Variants in ATAD2 observed in about 807,000 individuals in gnomAD.
The protein encoded by ATAD2 is ATPase family AAA domain-containing protein 2.
In ATAD2, 62 loss-of-function variants were observed where a neutral mutation model predicts 168.9. The ratio of observed to expected loss-of-function variants is 0.37; its 90% confidence interval spans 0.30 to 0.45. The LOEUF (loss-of-function observed/expected upper bound fraction) is 0.45, where lower values mean the gene tolerates loss of function less well. Among genes scored for constraint, ATAD2 ranks in the 20% least tolerant of loss-of-function variants. The pLI is 1.00. For missense variants in ATAD2, 1,419 were observed against 1,667.8 expected (o/e 0.85, Z 2.60); for synonymous variants, 613 against 571.6 (o/e 1.07, Z -1.03).
chr8:123,332,290 G>A (rs1827796621), intron 24 of ATAD2, among the ~76,000 whole-genome samples: 1 of 152,076 alleles, frequency 6.6e-6, no homozygotes, highest in African/African-American at 2.4e-5. Flanking sequence ...TATTATTCAA[G>A]GGTCAATTGT....
At chr8:123,372,787 G>T in intron 2 of ATAD2, 101 bp from the exon 3 acceptor site, 1 of 941,738 alleles carries the variant, frequency 1.1e-6, no homozygotes. Context: ...GAGTGCAGTG[G>T]CACAATCATG....
At chr8:123,353,249 A>G (rs914035359) in intron 13 of ATAD2, among the ~76,000 whole-genome samples, 4 of 152,038 alleles carry the variant, frequency 2.6e-5, no homozygotes, top group African/African-American at 9.7e-5. Context: ...CTGTAATCCC[A>G]GCTACTGGGG....
At chr8:123,385,548 C>T (rs1047207487) in intron 1 of ATAD2, among the ~76,000 whole-genome samples, 1 of 151,912 alleles carries the variant, frequency 6.6e-6, no homozygotes, top group Non-Finnish European at 1.5e-5. Flanking sequence ...GAATAAAGAA[C>T]TAAAAAACAA....
Position 123,369,153 on chromosome 8 carries a change from G to A in ATAD2, c.954C>T (p.Pro318=). Residue 318 remains proline (P), a synonymous_variant, in exon 8 of 28, where the codon CCC becomes CCT. Coordinates refer to ENST00000287394, the MANE Select transcript of ATAD2 (RefSeq NM_014109.4). ...AAGCTGGGCCACTATAAAATATGTT[G>A]GGCTTTCTCTGGTGACGAGGTTCTA... The part of the protein sequence containing the change: ...PLEKPRHQRK[P]NIFYSGPASP... 6.4e-7 allele frequency: 1 copy of A among 1,555,090 alleles called. No homozygotes were observed. The highest frequency in any genetic ancestry group is 8.7e-7 in the Non-Finnish European group (1 of 1,144,478).
Position 123,370,040 on chromosome 8 carries a change from C to T in ATAD2, c.728-16G>A, listed in dbSNP as rs1829104984. The T allele has an allele frequency of 6.3e-7, 1 of 1,595,670 alleles. No individual in the cohort carries two copies. Among genetic ancestry groups the T allele is most frequent in the African/African-American group, 1.3e-5 (1 of 74,500 alleles). On this transcript the variant is annotated splice_polypyrimidine_tract_variant and intron_variant, in intron 6 of 27. Coordinates refer to ENST00000287394, the MANE Select transcript of ATAD2 (RefSeq NM_014109.4). ...TCAGATGACTCTACAATTAAGAGATCCTTACTTCCAGAAAGATACTCAGCA... is the reference window on the plus strand; with the variant it reads ...TCAGATGACTCTACAATTAAGAGATTCTTACTTCCAGAAAGATACTCAGCA...
intron 1 of ATAD2, among the ~76,000 whole-genome samples, chr8:123,406,966 G>A (rs887759493): frequency 2.3e-4 from 35 of 152,092 alleles, no homozygotes; most frequent in African/African-American, 7.2e-4. Flanking sequence ...TTAAAATCTC[G>A]ACATGAGATT....
chr8:123,399,020 T>C (rs1311262206), upstream of ATAD2, among the ~76,000 whole-genome samples: 1 of 152,150 alleles, frequency 6.6e-6, no homozygotes, highest in Non-Finnish European at 1.5e-5. Context: ...CCCCCCACTT[T>C]GGGAGGCCGA....
chr8:123,401,500 C>T (rs1812999576), intron 1 of ATAD2: 2 of 1,568,882 alleles, frequency 1.3e-6, no homozygotes, highest in Non-Finnish European at 8.7e-7. Flanking sequence ...GCAGCCCAGG[C>T]CAAGAACCTG....
At chr8:123,409,296 T>C (rs1813118191) in intron 1 of ATAD2, among the ~76,000 whole-genome samples, 1 of 152,122 alleles carries the variant, frequency 6.6e-6, no homozygotes, top group African/African-American at 2.4e-5. Flanking sequence ...GGGTCTCATA[T>C]TGTGTTTCAA....
At position 123,328,344 on chromosome 8, in the gene ATAD2, T is replaced by C; in HGVS notation, c.3714A>G (p.Glu1238=). Residue 1238 remains glutamate, a synonymous_variant, in exon 25 of 28, where the codon GAA becomes GAG. Transcript: ENST00000287394. ...TACAAGTATTTGAATTATTTCTCAA[T>C]TCCAGTTTGCTTTCAGAGGCATTTT... ...KQQNASESKL[E]LRNNSNTCNI... 6.2e-7 allele frequency: 1 copy of C among 1,607,136 alleles called. No homozygotes were observed. Among genetic ancestry groups the C allele is most frequent in the Non-Finnish European group, 8.5e-7 (1 of 1,177,880 alleles).
chr8:123,411,101 T>C (rs957533279), intron 1 of ATAD2, among the ~76,000 whole-genome samples: 4 of 152,130 alleles, frequency 2.6e-5, no homozygotes, highest in African/African-American at 9.7e-5. Flanking sequence ...TGGAAGCGGC[T>C]TGCCACCATC....
exon 1 of ATAD2, chr8:123,416,348 C>T (rs1470501412): frequency 6.4e-6 from 1 of 155,250 alleles, no homozygotes; most frequent in Non-Finnish European, 1.4e-5. Flanking sequence ...CAAGCCCAAA[C>T]CTAGCTCCTC....
intron 24 of ATAD2, among the ~76,000 whole-genome samples, chr8:123,329,215 G>A (rs1374350808): frequency 4.6e-5 from 7 of 152,080 alleles, no homozygotes; most frequent in Admixed American, 4.6e-4. Flanking sequence ...ACTGGAAGAA[G>A]GGCAAGACTT....
intron 19 of ATAD2, among the ~76,000 whole-genome samples, chr8:123,341,982 A>T (rs556628001): frequency 6.6e-6 from 1 of 152,296 alleles, no homozygotes; most frequent in Non-Finnish European, 1.5e-5. Context: ...GCTACTCGGG[A>T]GGCTGAGGCA....
upstream of ATAD2, among the ~76,000 whole-genome samples, chr8:123,397,797 A>G (rs185599412): frequency 3.5e-4 from 53 of 152,290 alleles, no homozygotes; most frequent in African/African-American, 1.2e-3. Flanking sequence ...AGAGAAATAT[A>G]AAGTAGGGAA....
rs58655606 is a variant in ATAD2, at chr8:123,377,091, C to CAAAAAA, written c.320+3432_320+3437dup. Among the ~76,000 whole-genome samples the CAAAAAA allele has an allele frequency of 6.6e-3, 179 of 27,252 alleles. 37 individuals carry two copies. The highest frequency in any genetic ancestry group is 9.3e-3 in the African/African-American group (54 of 5,798). The allele number at this position is 27,252 out of a possible 152,430, so 17.9% of individuals were successfully genotyped here. A position where few individuals can be genotyped will look rare whatever the true frequency, so the allele number is the denominator to read the frequency against. The stretch of plus-strand genomic sequence containing the variant: ...GGGCAAAAAGAGTGAGACTCCGTCT[C>CAAAAAA]AAAAAAAAAAAAAAAAAAAAAGAGC... On this transcript the variant is annotated intron_variant, in intron 2 of 27. Coordinates refer to ENST00000287394, the MANE Select transcript of ATAD2 (RefSeq NM_014109.4).
chr8:123,366,247 T>C (rs998266874), intron 8 of ATAD2, among the ~76,000 whole-genome samples: 1 of 152,132 alleles, frequency 6.6e-6, no homozygotes, highest in African/African-American at 2.4e-5. Context: ...AAAATGGCTA[T>C]AATCAAAAAA....
Position 123,377,324 on chromosome 8 carries a change from A to T in ATAD2, c.320+3205T>A, listed in dbSNP as rs144899171. Among the ~76,000 whole-genome samples, 15 of 152,142 alleles carry T rather than the reference A, an allele frequency of 9.9e-5. 1 individual carries two copies. The East Asian group carries it at 2.9e-3, about 29-fold the overall frequency. On this transcript the variant is annotated intron_variant, in intron 2 of 27. Transcript: ENST00000287394. Reference sequence around the variant, plus strand: ...TAGAAATTCAATATATTTTAGAAATAATCTAATTAAAAATACCAAGTCATT... The same window carrying T: ...TAGAAATTCAATATATTTTAGAAATTATCTAATTAAAAATACCAAGTCATT...
rs368892130 is a variant in ATAD2, at chr8:123,321,064, A to G, written c.*70T>C. On this transcript the variant is annotated 3_prime_UTR_variant, in exon 28 of 28. Coordinates refer to ENST00000287394, the MANE Select transcript of ATAD2 (RefSeq NM_014109.4). ...AGATGCAGGGTTTCATACTACATCA[A>G]TTAGGCGGACATGACAAAAATGACT... 4.9e-5 allele frequency: 66 copies of G among 1,358,666 alleles called. 2 individuals are homozygous for G. Among genetic ancestry groups the G allele is most frequent in the African/African-American group, 4.8e-4 (33 of 68,990 alleles). 84.2% of individuals were successfully genotyped at this position (1,358,666 alleles called of 1,614,324 possible).
Sources: allele counts gnomAD v4.1 joint callset (sites outside exome capture counted in the v4.1 genomes callset), GRCh38; gene constraint gnomAD v4.1.1; transcripts MANE v1.5; gene names NCBI Gene and HGNC (gene_info 2026-07-23, HGNC 2026-07-21).